The following RASSF8 variants were observed in gnomAD, a reference collection of about 807,000 sequenced individuals.
The protein encoded by RASSF8 is Ras association domain family member 8, also known as ras association domain-containing protein 8.
In RASSF8, 22 loss-of-function variants were observed where a neutral mutation model predicts 48.5. The observed-to-expected ratio is 0.45, with a 90% CI of 0.32 to 0.65. The LOEUF (loss-of-function observed/expected upper bound fraction) is 0.65, where lower values mean the gene tolerates loss of function less well. Ranked by LOEUF, RASSF8 falls within the 30% of genes least tolerant of loss-of-function variation. The pLI is 0.03. For synonymous variants in RASSF8, 127 were observed against 171.5 expected (o/e 0.74, Z 2.03); for missense variants, 418 against 489.2 (o/e 0.85, Z 1.37).
At chr12:26,039,900 CAG>C (rs1212849839) in intron 2 of RASSF8, among the ~76,000 whole-genome samples, 1 of 152,178 alleles carries the variant, frequency 6.6e-6, no homozygotes, top group Non-Finnish European at 1.5e-5. Context: ...TAACTTTAGA[CAG>C]AGAAATAATG....
intron 2 of RASSF8, among the ~76,000 whole-genome samples, chr12:26,050,159 T>C (rs1456482564): frequency 6.6e-6 from 1 of 152,240 alleles, no homozygotes; most frequent in African/African-American, 2.4e-5. Context: ...TGTTTTATAC[T>C]AGATGTGACT....
chr12:26,049,997 A>G (rs1274282681), intron 2 of RASSF8, among the ~76,000 whole-genome samples: 1 of 152,094 alleles, frequency 6.6e-6, no homozygotes, highest in Admixed American at 6.6e-5. Flanking sequence ...GTTAGTCAGG[A>G]TGGTCTTGAT....
intron 2 of RASSF8, among the ~76,000 whole-genome samples, chr12:26,038,201 A>C (rs765980261): frequency 6.6e-6 from 1 of 152,164 alleles, no homozygotes; most frequent in Non-Finnish European, 1.5e-5. Flanking sequence ...TTATTCTTAG[A>C]GTGAAGCTTT....
chr12:25,992,449 T>G (rs4963948), intron 1 of RASSF8, among the ~76,000 whole-genome samples: 15,027 of 152,276 alleles, frequency 0.099, 797 homozygotes, highest in Middle Eastern at 0.15. Context: ...GTTGTGAGAA[T>G]TCGATGAACA....
At chr12:26,023,914 C>T (rs1942845497) in intron 2 of RASSF8, among the ~76,000 whole-genome samples, 1 of 152,122 alleles carries the variant, frequency 6.6e-6, no homozygotes, top group South Asian at 2.1e-4. Context: ...GATAAATCCA[C>T]AGGAAGAAAT....
intron 2 of RASSF8, among the ~76,000 whole-genome samples, chr12:26,046,016 T>G (rs1247773370): frequency 2.0e-5 from 3 of 152,128 alleles, no homozygotes; most frequent in Non-Finnish European, 4.4e-5. Flanking sequence ...GGACATAGAT[T>G]TGGGCGATCA....
intron 1 of RASSF8, among the ~76,000 whole-genome samples, chr12:25,992,724 G>T (rs1477882722): frequency 6.6e-6 from 1 of 152,178 alleles, no homozygotes; most frequent in Non-Finnish European, 1.5e-5. Flanking sequence ...ACAGCCACGG[G>T]AAGGGATGTG....
intron 2 of RASSF8, among the ~76,000 whole-genome samples, chr12:26,026,856 C>T (rs1353934814): frequency 3.3e-5 from 5 of 152,194 alleles, no homozygotes; most frequent in Non-Finnish European, 7.3e-5. Context: ...AAATGTTACA[C>T]ATAGAGTTAT....
intron 2 of RASSF8, among the ~76,000 whole-genome samples, chr12:26,005,000 A>G (rs1415013780): frequency 6.6e-6 from 1 of 151,826 alleles, no homozygotes; most frequent in Non-Finnish European, 1.5e-5. Flanking sequence ...CAAAAAGTTA[A>G]AAAAAAATGG....
chr12:26,010,207 T>C (rs1592262521), intron 2 of RASSF8, among the ~76,000 whole-genome samples: 2 of 80,576 alleles, frequency 2.5e-5, no homozygotes, highest in Non-Finnish European at 8.1e-5. Flanking sequence ...GGAGAGTTAG[T>C]CAGGCACCAG....
At chr12:25,991,604 C>G (rs1942016018) in intron 1 of RASSF8, among the ~76,000 whole-genome samples, 1 of 152,110 alleles carries the variant, frequency 6.6e-6, no homozygotes. Context: ...ACTCACATGC[C>G]TCACAAATTT....
intron 2 of RASSF8, among the ~76,000 whole-genome samples, chr12:26,027,172 G>C (rs945302498): frequency 1.3e-5 from 2 of 152,132 alleles, no homozygotes; most frequent in East Asian, 1.9e-4. Flanking sequence ...GTAAATGATC[G>C]CCTATGGCTG....
downstream of RASSF8, among the ~76,000 whole-genome samples, chr12:26,074,650 A>G (rs1292084156): frequency 6.6e-6 from 1 of 152,094 alleles, no homozygotes; most frequent in Admixed American, 6.6e-5. Context: ...GCCGGTTTAC[A>G]GTCTTGATGA....
chr12:25,991,647 C>T (rs1942017120), intron 1 of RASSF8, among the ~76,000 whole-genome samples: 1 of 152,172 alleles, frequency 6.6e-6, no homozygotes. Context: ...CTCAGCTCCT[C>T]ACCATGTGGA....
chr12:26,046,122 A>G (rs531334978), intron 2 of RASSF8, among the ~76,000 whole-genome samples: 1 of 152,308 alleles, frequency 6.6e-6, no homozygotes, highest in East Asian at 1.9e-4. Flanking sequence ...CAGGGGTTGT[A>G]TATTCCTAAG....
intron 3 of RASSF8, among the ~76,000 whole-genome samples, chr12:26,059,187 G>C (rs1943684705): frequency 6.6e-6 from 1 of 152,104 alleles, no homozygotes; most frequent in African/African-American, 2.4e-5. Flanking sequence ...TCTGCCCTCA[G>C]GCAGCTTAGA....
chr12:26,055,240 C>A lies in RASSF8; in HGVS notation c.-104C>A. 1.1e-6 allele frequency: 1 copy of A among 909,150 alleles called. No homozygotes were observed. Among genetic ancestry groups the A allele is most frequent in the Non-Finnish European group, 1.8e-6 (1 of 547,572 alleles). The allele number at this position is 909,150 out of a possible 1,614,324, so 56.3% of individuals were successfully genotyped here. On this transcript the variant is annotated 5_prime_UTR_variant, in exon 3 of 6. Coordinates refer to ENST00000689635, the MANE Select transcript of RASSF8 (RefSeq NM_001394098.1). Reference sequence around the variant, plus strand: ...TGATTTTTTGCCCTTTTTTAGCTGACTACACAGACTTAGTCTTCTCCACTC... The same window carrying A: ...TGATTTTTTGCCCTTTTTTAGCTGAATACACAGACTTAGTCTTCTCCACTC...
At chr12:26,075,400 T>C (rs1031920069), downstream of RASSF8, among the ~76,000 whole-genome samples, 2 of 152,216 alleles carry the variant, frequency 1.3e-5, no homozygotes, top group Non-Finnish European at 1.5e-5. Flanking sequence ...TTCCTTTTTA[T>C]AGAGTGTTTT....
chr12:26,007,733 C>T (rs1011949908), intron 2 of RASSF8, among the ~76,000 whole-genome samples: 3 of 152,172 alleles, frequency 2.0e-5, no homozygotes, highest in Non-Finnish European at 4.4e-5. Flanking sequence ...AGCATTCTTA[C>T]TCTAGTTTAA....
Sources: allele counts gnomAD v4.1 joint callset (sites outside exome capture counted in the v4.1 genomes callset), GRCh38; gene constraint gnomAD v4.1.1; transcripts MANE v1.5; gene names NCBI Gene and HGNC (gene_info 2026-07-23, HGNC 2026-07-21).